The following DAAM2 variants were observed in gnomAD, a reference collection of about 807,000 sequenced individuals.
DAAM2 encodes disheveled-associated activator of morphogenesis 2.
In DAAM2, 39 loss-of-function variants were observed where a neutral mutation model predicts 120.7. The ratio of observed to expected loss-of-function variants is 0.32; its 90% CI spans 0.25 to 0.42. The LOEUF is 0.42. DAAM2 is among the 10% of genes least tolerant of loss of function. The pLI, the probability that DAAM2 is intolerant of heterozygous loss-of-function variation, is 1.00. For missense variants in DAAM2, 1,283 were observed against 1,401.7 expected (o/e 0.92, Z 1.35); for synonymous variants, 488 against 524.9 (o/e 0.93, Z 0.96).
chr6:39,897,356 C>A, intron 21 of DAAM2, 74 bp downstream of exon 21: 1 of 965,970 alleles, frequency 1.0e-6, no homozygotes, highest in Non-Finnish European at 1.6e-6. Context: ...CTTTTGGGGT[C>A]TACTCTGGGC....
In DAAM2 at chr6:39,898,934, G is replaced by A. The variant is rs919058916; in HGVS notation, c.2676G>A (p.Glu892=). The change falls in exon 22 of 25, where the codon GAG becomes GAA. Residue 892 remains glutamate (E), a synonymous_variant. Coordinates refer to ENST00000274867, the MANE Select transcript of DAAM2 (RefSeq NM_001201427.2). Reference sequence around the variant, plus strand: ...TCAGGAGGGGCCTGAGAGCGGTGGAGGTGGTGAGTACCTTGTCAGTGCCTA... The same window carrying A: ...TCAGGAGGGGCCTGAGAGCGGTGGAAGTGGTGAGTACCTTGTCAGTGCCTA... The part of the protein sequence containing the change: ...GNLRRGLRAV[E]VELEYQRRQV... The A allele has an allele frequency of 3.1e-6, 5 of 1,610,696 alleles. No homozygotes were observed. The highest frequency in any genetic ancestry group is 2.7e-5 in the African/African-American group (2 of 74,880).
chr6:39,865,176 C>T lies in DAAM2; in HGVS notation c.428+102C>T, dbSNP rs921956468. 1.4e-5 allele frequency: 10 copies of T among 729,158 alleles called. No homozygotes were observed. The African/African-American group carries it at 1.4e-4, about 10-fold the overall frequency. 45.2% of individuals were successfully genotyped at this position (729,158 alleles called of 1,614,324 possible). On this transcript the variant is annotated intron_variant, in intron 5 of 24. Coordinates refer to ENST00000274867, the MANE Select transcript of DAAM2 (RefSeq NM_001201427.2). ...AGTGCTCTGCTCCCATGCCGGTCCT[C>T]CTGGCCAACTCTGCCTCACCTGACT...
At chr6:39,900,242 C>G (rs1468186135) in intron 23 of DAAM2, 34 bp downstream of exon 23, 2 of 1,601,680 alleles carry the variant, frequency 1.2e-6, no homozygotes, top group Non-Finnish European at 1.7e-6. Context: ...GCTTGCCAAC[C>G]CAGCCTTATC....
At chr6:39,800,126 A>G (rs1761815535) in intron 1 of DAAM2, among the ~76,000 whole-genome samples, 1 of 152,210 alleles carries the variant, frequency 6.6e-6, no homozygotes, top group Non-Finnish European at 1.5e-5. Context: ...TCATTTTGTC[A>G]TCAGTCAGCT....
At chr6:39,835,946 A>G (rs1455079599) in intron 1 of DAAM2, among the ~76,000 whole-genome samples, 1 of 152,062 alleles carries the variant, frequency 6.6e-6, no homozygotes, top group Non-Finnish European at 1.5e-5. Flanking sequence ...AGACATTACT[A>G]AGATTCCTTG....
chr6:39,870,580 T>G, intron 8 of DAAM2, 137 bp downstream of exon 8: 1 of 656,516 alleles, frequency 1.5e-6, no homozygotes, highest in Non-Finnish European at 2.7e-6. Context: ...GAATCAGCTC[T>G]GTGGGGGGAA....
At chr6:39,849,748 C>T (rs1763735731) in intron 1 of DAAM2, among the ~76,000 whole-genome samples, 1 of 152,122 alleles carries the variant, frequency 6.6e-6, no homozygotes, top group Non-Finnish European at 1.5e-5. Context: ...AGATGGTCTG[C>T]AGAGGCTTGG....
intron 1 of DAAM2, among the ~76,000 whole-genome samples, chr6:39,854,487 G>A (rs1048582617): frequency 6.6e-6 from 1 of 151,930 alleles, no homozygotes; most frequent in Non-Finnish European, 1.5e-5. Flanking sequence ...GGCTTTTCTG[G>A]GCCTATTAAA....
chr6:39,829,513 A>T (rs1194511924), intron 1 of DAAM2, among the ~76,000 whole-genome samples: 4 of 152,184 alleles, frequency 2.6e-5, no homozygotes, highest in African/African-American at 9.7e-5. Context: ...GTGATACCTC[A>T]TTTGGCACCA....
intron 1 of DAAM2, among the ~76,000 whole-genome samples, chr6:39,842,394 G>A (rs1582657853): frequency 6.6e-6 from 1 of 152,318 alleles, no homozygotes; most frequent in South Asian, 2.1e-4. Flanking sequence ...CACTTTGGGA[G>A]GCCAAGGCAG....
At chr6:39,809,989 T>C (rs1164360062) in intron 1 of DAAM2, among the ~76,000 whole-genome samples, 1 of 152,190 alleles carries the variant, frequency 6.6e-6, no homozygotes, top group South Asian at 2.1e-4. Context: ...TTTGTGCTCA[T>C]TGCTTCATGG....
intron 1 of DAAM2, among the ~76,000 whole-genome samples, chr6:39,811,745 A>C (rs933251932): frequency 3.3e-5 from 5 of 152,150 alleles, no homozygotes; most frequent in African/African-American, 1.2e-4. Flanking sequence ...TGCCCAGGTT[A>C]CTAGAGCTCT....
At position 39,901,871 on chromosome 6, in the gene DAAM2, G is replaced by A; in HGVS notation, c.3041G>A (p.Gly1014Asp). ...WQRQRKVLAA[G>D]SSLEEGGEFD... ...CGGCAGCGGAAGGTCCTGGCTGCAG[G>A]CAGCTCGCTGGAGGAGGGAGGAGAG... The change falls in exon 25 of 25, where the codon GGC (glycine) becomes GAC (aspartate). Residue 1014 changes from glycine to aspartate, a missense_variant. Around this residue, in one of 3 missense-constraint regions of DAAM2, gnomAD observed 748 missense variants for 768.6 expected, o/e 0.97. Coordinates refer to ENST00000274867, the MANE Select transcript of DAAM2 (RefSeq NM_001201427.2). The surrounding 1 kb of genome is among the most constrained non-coding windows in gnomAD (Gnocchi z 4.5). 1 of 1,592,694 alleles carries A rather than the reference G, an allele frequency of 6.3e-7. No homozygotes were observed. The highest frequency in any genetic ancestry group is 8.6e-7 in the Non-Finnish European group (1 of 1,166,350).
chr6:39,882,944 T>G (rs913270445), intron 14 of DAAM2, among the ~76,000 whole-genome samples: 5 of 151,780 alleles, frequency 3.3e-5, no homozygotes, highest in African/African-American at 1.2e-4. Context: ...TAACAGTGAG[T>G]GAAAGGTATG....
In DAAM2 at chr6:39,888,861, G is replaced by A. The variant is rs1020266840; in HGVS notation, c.2145+98G>A. On this transcript the variant is annotated intron_variant, in intron 17 of 24. Coordinates refer to ENST00000274867, the MANE Select transcript of DAAM2 (RefSeq NM_001201427.2). ...GAGGCTGCGATTCTTGGGTCAAGGA[G>A]AAATCAGGCTGGAAGAGTTAGGGAG... The A allele has an allele frequency of 7.2e-6, 6 of 836,186 alleles. No individual in the cohort carries two copies. In the African/African-American group the frequency reaches 1.0e-4, roughly 14 times the overall value. 51.8% of individuals were successfully genotyped at this position (836,186 alleles called of 1,614,324 possible). A position where few individuals can be genotyped will look rare whatever the true frequency, so the allele number is the denominator to read the frequency against.
At chr6:39,807,459 T>C (rs1762042378) in intron 1 of DAAM2, among the ~76,000 whole-genome samples, 1 of 152,154 alleles carries the variant, frequency 6.6e-6, no homozygotes, top group Non-Finnish European at 1.5e-5. Flanking sequence ...GAGAAGCACA[T>C]AGGGGCTTCA....
chr6:39,887,343 T>G (rs1243142141), intron 15 of DAAM2, 143 bp from the exon 16 acceptor site: 2 of 601,864 alleles, frequency 3.3e-6, no homozygotes, highest in Non-Finnish European at 5.9e-6. Flanking sequence ...TTATCCACCC[T>G]CCTCTCTCTC....
intron 1 of DAAM2, among the ~76,000 whole-genome samples, chr6:39,799,599 A>G (rs1467723497): frequency 1.3e-5 from 2 of 152,256 alleles, no homozygotes; most frequent in East Asian, 3.9e-4. Flanking sequence ...ATCCTCCCCA[A>G]ATGAACGATT....
At chr6:39,862,475 G>A (rs968109732) in intron 3 of DAAM2, 4 of 151,950 alleles carry the variant, frequency 2.6e-5, no homozygotes, top group African/African-American at 7.3e-5. Flanking sequence ...CCTTAAGTTG[G>A]TCTCTTCTAC....
Sources: gnomAD v4.1 joint callset for allele counts (sites outside exome capture counted in the v4.1 genomes callset) on GRCh38, gnomAD v4.1.1 for gene constraint, gnomAD v4.1.1 regional missense constraint, Gnocchi (gnomAD v3.1) non-coding constraint, MANE v1.5 for transcripts, NCBI Gene and HGNC (gene_info 2026-07-23, HGNC 2026-07-21) for gene names.